Variants in NECAB1 observed in about 807,000 individuals in gnomAD.
The protein encoded by NECAB1 is N-terminal EF-hand calcium binding protein 1, also known as N-terminal EF-hand calcium-binding protein 1.
NECAB1 carries 29 observed loss-of-function variants against 57.5 expected under a neutral mutation model. The observed-to-expected ratio is 0.50, with a 90% CI of 0.38 to 0.69. The LOEUF is 0.69. Among genes scored for constraint, NECAB1 ranks in the 30% least tolerant of loss-of-function variants. The probability of loss-of-function intolerance (pLI) is 0.00; values close to 1 mark genes in which losing one functional copy is unlikely to be tolerated. For synonymous variants in NECAB1, 142 were observed against 147.7 expected, an observed-to-expected ratio of 0.96 and a Z score of 0.28; for missense variants, 372 against 413.8, an observed-to-expected ratio of 0.90 and a Z score of 0.88.
intron 3 of NECAB1, among the ~76,000 whole-genome samples, chr8:90,851,956 T>C (rs1812691429): frequency 6.6e-6 from 1 of 152,180 alleles, no homozygotes; most frequent in South Asian, 2.1e-4. Context: ...CAACCCCATT[T>C]TGTTTTTAAG....
intron 3 of NECAB1, among the ~76,000 whole-genome samples, chr8:90,832,480 T>A (rs533637809): frequency 4.1e-4 from 63 of 152,254 alleles, no homozygotes; most frequent in African/African-American, 1.5e-3. Context: ...TTATAATTTT[T>A]TGGAAAAAGA....
intron 2 of NECAB1, among the ~76,000 whole-genome samples, chr8:90,818,434 C>G (rs1480854562): frequency 6.6e-6 from 1 of 151,980 alleles, no homozygotes; most frequent in Non-Finnish European, 1.5e-5. Flanking sequence ...ATTCTGCTCA[C>G]AATTAATTTG....
intron 1 of NECAB1, among the ~76,000 whole-genome samples, chr8:90,792,600 T>G (rs529105126): frequency 6.6e-6 from 1 of 152,356 alleles, no homozygotes; most frequent in African/African-American, 2.4e-5. Flanking sequence ...TAATTACTAC[T>G]GTCACCTCCA....
chr8:90,841,955 T>A (rs1812463368), intron 3 of NECAB1, among the ~76,000 whole-genome samples: 1 of 152,210 alleles, frequency 6.6e-6, no homozygotes, highest in African/African-American at 2.4e-5. Context: ...AAATACTGCA[T>A]GTTCTCATTT....
rs1189829007 is a variant in NECAB1, at chr8:90,841,615, G to T, written c.233+16790G>T. Reference sequence around the variant, plus strand: ...GCTAAGAACTGTCATACCTGCTGGGGACTCTGCCTGCCTCTCTCCTCCTTA... The same window carrying T: ...GCTAAGAACTGTCATACCTGCTGGGTACTCTGCCTGCCTCTCTCCTCCTTA... On this transcript the variant is annotated intron_variant, in intron 3 of 12. Transcript: ENST00000417640. Among the ~76,000 whole-genome samples, 5 of 152,154 alleles carry T rather than the reference G, an allele frequency of 3.3e-5. 1 individual carries two copies. The South Asian group carries it at 1.0e-3, about 31-fold the overall frequency.
Position 90,804,179 on chromosome 8 carries a change from A to G in NECAB1, c.124+2464A>G, listed in dbSNP as rs566362544. On this transcript the variant is annotated intron_variant, in intron 2 of 12. Transcript: ENST00000417640. ...ATTAAGAAGAAAATACAGTATATATACTATTCAGCCTTAAAAGAAAGAAGA... is the reference window on the plus strand; with the variant it reads ...ATTAAGAAGAAAATACAGTATATATGCTATTCAGCCTTAAAAGAAAGAAGA... 4.6e-5 allele frequency among the ~76,000 whole-genome samples: 7 copies of G among 152,350 alleles called. No individual in the cohort carries two copies. In the South Asian group the frequency reaches 8.3e-4, roughly 18 times the overall value.
At chr8:90,900,162 G>A (rs1201711364) in intron 5 of NECAB1, among the ~76,000 whole-genome samples, 1 of 152,158 alleles carries the variant, frequency 6.6e-6, no homozygotes, top group Non-Finnish European at 1.5e-5. Flanking sequence ...TTGTTCGGGA[G>A]TAGAGCAACT....
chr8:90,795,179 G>T (rs937539424), intron 1 of NECAB1, among the ~76,000 whole-genome samples: 1 of 152,224 alleles, frequency 6.6e-6, no homozygotes, highest in Non-Finnish European at 1.5e-5. Context: ...AGTCTATGTA[G>T]CATGTGTCTC....
chr8:90,890,325 C>A (rs1295767057), intron 5 of NECAB1, among the ~76,000 whole-genome samples: 2 of 152,188 alleles, frequency 1.3e-5, no homozygotes, highest in African/African-American at 4.8e-5. Context: ...GCACTCCATC[C>A]TGCCACCCTG....
intron 4 of NECAB1, among the ~76,000 whole-genome samples, chr8:90,873,533 T>C (rs1001036402): frequency 6.6e-6 from 1 of 152,246 alleles, no homozygotes; most frequent in African/African-American, 2.4e-5. Flanking sequence ...CAAGATTATC[T>C]TGATAATTTC....
chr8:90,943,122 T>G lies in NECAB1; in HGVS notation c.860+2224T>G, dbSNP rs920319298. Among the ~76,000 whole-genome samples, 5 of 152,260 alleles carry G rather than the reference T, an allele frequency of 3.3e-5. No individual in the cohort carries two copies. In the East Asian group the frequency reaches 5.8e-4, roughly 18 times the overall value. On this transcript the variant is annotated intron_variant, in intron 10 of 12. Coordinates refer to ENST00000417640, the MANE Select transcript of NECAB1 (RefSeq NM_022351.5). ...TGTTGGGAAAATGACCTCGAGCTACTAGAACAGCCCCAGGGAAAGGGAAAC... is the reference window on the plus strand; with the variant it reads ...TGTTGGGAAAATGACCTCGAGCTACGAGAACAGCCCCAGGGAAAGGGAAAC...
At chr8:90,897,121 T>C (rs1267214684) in intron 5 of NECAB1, among the ~76,000 whole-genome samples, 2 of 152,052 alleles carry the variant, frequency 1.3e-5, no homozygotes, top group African/African-American at 4.8e-5. Flanking sequence ...AAAGCAGCAA[T>C]AAAATTTTCT....
rs184943852 is a variant in NECAB1, at chr8:90,944,546, A to G, written c.860+3648A>G. Among the ~76,000 whole-genome samples the G allele has an allele frequency of 5.3e-5, 8 of 152,304 alleles. No homozygotes were observed. The East Asian group carries it at 1.3e-3, about 26-fold the overall frequency. On this transcript the variant is annotated intron_variant, in intron 10 of 12. Coordinates refer to ENST00000417640, the MANE Select transcript of NECAB1 (RefSeq NM_022351.5). ...ATCCCCGTTTTTGTCATAGGGAGGT[A>G]CCAATTGAATATAAGTGGTGTACAC...
chr8:90,915,374 T>A (rs1034192057), intron 5 of NECAB1, among the ~76,000 whole-genome samples: 2 of 152,134 alleles, frequency 1.3e-5, no homozygotes, highest in African/African-American at 4.8e-5. Context: ...AGTTTTTTTT[T>A]AACCAATAAA....
intron 3 of NECAB1, among the ~76,000 whole-genome samples, chr8:90,852,686 A>C (rs910776199): frequency 6.6e-6 from 1 of 152,194 alleles, no homozygotes; most frequent in African/African-American, 2.4e-5. Flanking sequence ...TTGACTTCAG[A>C]GGGACAGCTT....
intron 9 of NECAB1, among the ~76,000 whole-genome samples, chr8:90,937,288 T>C (rs1373905553): frequency 6.6e-6 from 1 of 152,136 alleles, no homozygotes; most frequent in Non-Finnish European, 1.5e-5. Flanking sequence ...AAGTGGTGAA[T>C]ATTATAGGCT....
intron 5 of NECAB1, among the ~76,000 whole-genome samples, chr8:90,898,604 G>T (rs1389890635): frequency 2.6e-5 from 4 of 152,096 alleles, no homozygotes; most frequent in Non-Finnish European, 5.9e-5. Flanking sequence ...TCTCTTGCCT[G>T]GCTCATTGCA....
chr8:90,949,929 G>A, intron 11 of NECAB1, 45 bp downstream of exon 11: 3 of 1,160,356 alleles, frequency 2.6e-6, no homozygotes, highest in South Asian at 2.7e-5. Context: ...CAGGAAGGTG[G>A]CAATATGCAT....
At chr8:90,948,132 A>C (rs1268597563) in intron 10 of NECAB1, among the ~76,000 whole-genome samples, 1 of 152,168 alleles carries the variant, frequency 6.6e-6, no homozygotes, top group African/African-American at 2.4e-5. Context: ...ATGTTTGGGG[A>C]TTACATCCCT....
Sources: gnomAD v4.1 joint callset for allele counts (sites outside exome capture counted in the v4.1 genomes callset) on GRCh38, gnomAD v4.1.1 for gene constraint, MANE v1.5 for transcripts, NCBI Gene and HGNC (gene_info 2026-07-23, HGNC 2026-07-21) for gene names.